Variants in GTF2IRD1 observed in about 807,000 individuals in gnomAD.
The protein encoded by GTF2IRD1 is general transcription factor II-I repeat domain-containing protein 1.
GTF2IRD1 carries 26 observed loss-of-function variants against 113.2 expected under a neutral mutation model. The ratio of observed to expected loss-of-function variants is 0.23; its 90% CI spans 0.17 to 0.32. GTF2IRD1 has a LOEUF of 0.32. Ranked by LOEUF, GTF2IRD1 falls within the 10% of genes least tolerant of loss-of-function variation. The pLI is 1.00. For synonymous variants in GTF2IRD1, 484 were observed against 529.1 expected (o/e 0.91, Z 1.17); for missense variants, 864 against 1,280.8 (o/e 0.67, Z 4.97).
chr7:74,468,179 C>T lies in GTF2IRD1; in HGVS notation c.-7+14003C>T, dbSNP rs535826243. Among the ~76,000 whole-genome samples the T allele has an allele frequency of 3.9e-5, 6 of 152,148 alleles. No homozygotes were observed. The South Asian group carries it at 1.0e-3, about 26-fold the overall frequency. ...CTGCATTTGGCTACAGGTAATTAAA[C>T]ACCCAACTGTAAATATAGCAAATAT... is the stretch of plus-strand genomic sequence containing the variant. On this transcript the variant is annotated intron_variant, in intron 1 of 26. Transcript: ENST00000424337.
intron 22 of GTF2IRD1, among the ~76,000 whole-genome samples, chr7:74,573,770 G>A (rs1351444105): frequency 6.6e-6 from 1 of 152,116 alleles, no homozygotes; most frequent in Non-Finnish European, 1.5e-5. Flanking sequence ...GGAGGTGGAG[G>A]TTGGGGGCCA....
intron 8 of GTF2IRD1, among the ~76,000 whole-genome samples, chr7:74,525,478 G>A (rs1228371908): frequency 6.6e-6 from 1 of 152,174 alleles, no homozygotes. Flanking sequence ...AGTGGTAGGC[G>A]CTGTGGCTCA....
intron 15 of GTF2IRD1, 100 bp from the exon 16 acceptor site, chr7:74,545,644 A>G (rs1798880263): frequency 1.2e-6 from 1 of 821,368 alleles, no homozygotes; most frequent in Non-Finnish European, 2.1e-6. Flanking sequence ...CCCCCATTCC[A>G]AGATCCCACC....
Position 74,521,310 on chromosome 7 carries a change from C to T in GTF2IRD1, c.1006+13C>T. On this transcript the variant is annotated intron_variant, in intron 7 of 26. Coordinates refer to ENST00000424337, the MANE Select transcript of GTF2IRD1 (RefSeq NM_005685.4). ...CATGACAAGTCAGGTAGGACAGCGC[C>T]CACGAAGCACCCCGGCCTGAGTGGG... 6.6e-7 allele frequency: 1 copy of T among 1,521,686 alleles called. No homozygotes were observed. The highest frequency in any genetic ancestry group is 1.1e-5 in the South Asian group (1 of 89,250). The allele number at this position is 1,521,686 out of a possible 1,614,324, so 94.3% of individuals were successfully genotyped here. A position where few individuals can be genotyped will look rare whatever the true frequency, so the allele number is the denominator to read the frequency against.
At chr7:74,456,238 G>T (rs1188254823) in intron 1 of GTF2IRD1, among the ~76,000 whole-genome samples, 1 of 152,156 alleles carries the variant, frequency 6.6e-6, no homozygotes, top group African/African-American at 2.4e-5. Flanking sequence ...TGACAGCTTG[G>T]TTGTTGGACC....
intron 9 of GTF2IRD1, among the ~76,000 whole-genome samples, chr7:74,531,360 A>T (rs1797955673): frequency 6.6e-6 from 1 of 152,158 alleles, no homozygotes; most frequent in Non-Finnish European, 1.5e-5. Flanking sequence ...GACAGCGAGA[A>T]TCCATCTCTA....
intron 1 of GTF2IRD1, among the ~76,000 whole-genome samples, chr7:74,465,241 T>C (rs1360825875): frequency 6.6e-6 from 1 of 151,978 alleles, no homozygotes; most frequent in Admixed American, 6.6e-5. Context: ...GCAAACCACA[T>C]CCTCCCTCTT....
intron 4 of GTF2IRD1, 52 bp from the exon 5 acceptor site, chr7:74,518,087 C>T: frequency 7.5e-7 from 1 of 1,335,808 alleles, no homozygotes. Flanking sequence ...GCCCCGACCC[C>T]AGCCTGGCTG....
At chr7:74,507,678 T>C (rs1238634526) in intron 1 of GTF2IRD1, 2 of 182,304 alleles carry the variant, frequency 1.1e-5, no homozygotes, top group African/African-American at 4.7e-5. Context: ...GGAGACCAGG[T>C]AACTAGAATA....
At chr7:74,454,240 CCCCGAT>C (rs1458052142) in intron 1 of GTF2IRD1, 64 bp downstream of exon 1, 1 of 147,338 alleles carries the variant, frequency 6.8e-6, no homozygotes, top group African/African-American at 2.5e-5. Context: ...CCACCCCCGC[CCCCGAT>C]CCCCTCCGCC....
At chr7:74,485,444 C>T (rs1002083619) in intron 1 of GTF2IRD1, among the ~76,000 whole-genome samples, 11 of 151,192 alleles carry the variant, frequency 7.3e-5, no homozygotes, top group African/African-American at 2.4e-4. Context: ...GGTGAAACCC[C>T]GTCTCTACTA....
intron 9 of GTF2IRD1, 138 bp from the exon 10 acceptor site, chr7:74,534,975 C>T: frequency 1.4e-6 from 1 of 714,702 alleles, no homozygotes; most frequent in Non-Finnish European, 2.6e-6. Flanking sequence ...GCCTGCATGT[C>T]TGCCGGATGC....
intron 25 of GTF2IRD1, among the ~76,000 whole-genome samples, chr7:74,596,265 C>T (rs1289286005): frequency 6.6e-6 from 1 of 151,946 alleles, no homozygotes; most frequent in Non-Finnish European, 1.5e-5. Context: ...AGTTCGAGAC[C>T]AGCCTGGTCA....
chr7:74,529,772 T>C lies in GTF2IRD1; in HGVS notation c.1129T>C (p.Tyr377His). ...LGLDHMVPVPYRKIACDPEAV... is the reference protein window; with the variant it reads ...LGLDHMVPVPHRKIACDPEAV... ...CCTGGACCACATGGTCCCCGTGCCC[T>C]ACCGGAAGATTGCCTGTGACCCGGA... The change falls in exon 9 of 27, where the codon TAC (tyrosine) becomes CAC (histidine). Residue 377 changes from tyrosine to histidine, a missense_variant. Physicochemically the swap from Tyr to His is moderately conservative, Grantham distance 83. Coordinates refer to ENST00000424337, the MANE Select transcript of GTF2IRD1 (RefSeq NM_005685.4). 6.2e-7 allele frequency: 1 copy of C among 1,614,082 alleles called. No individual in the cohort carries two copies. The highest frequency in any genetic ancestry group is 8.5e-7 in the Non-Finnish European group (1 of 1,179,984).
intron 22 of GTF2IRD1, 152 bp from the exon 23 acceptor site, chr7:74,589,699 A>G: frequency 1.9e-6 from 1 of 530,966 alleles, no homozygotes; most frequent in South Asian, 2.2e-5. Context: ...CTCTGTCTCA[A>G]AAGGAAAAAA....
chr7:74,517,422 TACACC>T (rs1797003087), intron 4 of GTF2IRD1, among the ~76,000 whole-genome samples: 1 of 128,086 alleles, frequency 7.8e-6, no homozygotes, highest in African/African-American at 3.0e-5. Context: ...CCTTCCTCCC[TACACC>T]TTTTTTTTTT....
intron 22 of GTF2IRD1, among the ~76,000 whole-genome samples, chr7:74,577,107 G>A (rs1489727068): frequency 6.6e-6 from 1 of 150,720 alleles, no homozygotes; most frequent in African/African-American, 2.4e-5. Context: ...GCGCAATCTC[G>A]GCTCACTGCA....
chr7:74,496,501 G>T (rs1046577728), intron 1 of GTF2IRD1, among the ~76,000 whole-genome samples: 2 of 144,184 alleles, frequency 1.4e-5, no homozygotes, highest in African/African-American at 5.1e-5. Context: ...GTGTGTGTGT[G>T]TTCATGTGGG....
chr7:74,568,653 AG>A lies in GTF2IRD1; in HGVS notation c.2320+8999del, dbSNP rs1554361605. Reference sequence around the variant, plus strand: ...ACAGAGCGAGACTCTGTCTCAAAAAAGAAGAAGAAGAAGAAGAAAAAGAAAG... The same window carrying A: ...ACAGAGCGAGACTCTGTCTCAAAAAAAAGAAGAAGAAGAAGAAAAAGAAAG... On this transcript the variant is annotated intron_variant, in intron 22 of 26. Coordinates refer to ENST00000424337, the MANE Select transcript of GTF2IRD1 (RefSeq NM_005685.4). 1.9e-3 allele frequency among the ~76,000 whole-genome samples: 284 copies of A among 151,854 alleles called. 1 individual carries two copies. The highest frequency in any genetic ancestry group is 5.9e-3 in the African/African-American group (245 of 41,456).
Sources: allele counts gnomAD v4.1 joint callset (sites outside exome capture counted in the v4.1 genomes callset), GRCh38; gene constraint gnomAD v4.1.1; transcripts MANE v1.5; gene names NCBI Gene and HGNC (gene_info 2026-07-23, HGNC 2026-07-21).